The following FNDC3B variants were observed in gnomAD, a reference collection of about 807,000 sequenced individuals.
FNDC3B encodes fibronectin type III domain-containing protein 3B.
FNDC3B carries 12 observed loss-of-function variants against 151.5 expected under a neutral mutation model. That is an observed-to-expected ratio of 0.08 (90% confidence interval 0.05 to 0.13). The LOEUF (loss-of-function observed/expected upper bound fraction) is 0.13. Ranked by LOEUF, FNDC3B falls within the 10% of genes least tolerant of loss-of-function variation. FNDC3B has a pLI of 1.00. For synonymous variants in FNDC3B, 528 were observed against 549.0 expected, an observed-to-expected ratio of 0.96 and a Z score of 0.54; for missense variants, 1,214 against 1,505.3, an observed-to-expected ratio of 0.81 and a Z score of 3.20.
intron 23 of FNDC3B, among the ~76,000 whole-genome samples, chr3:172,371,634 G>C (rs1734888451): frequency 6.6e-6 from 1 of 152,188 alleles, no homozygotes; most frequent in African/African-American, 2.4e-5. Flanking sequence ...TAGTGTAGGA[G>C]AGCATTTCTC....
intron 23 of FNDC3B, among the ~76,000 whole-genome samples, chr3:172,374,424 A>T (rs1735026942): frequency 6.6e-6 from 1 of 152,194 alleles, no homozygotes; most frequent in Admixed American, 6.5e-5. Context: ...TTTGAGACAG[A>T]GTCTCGCTCT....
intron 19 of FNDC3B, among the ~76,000 whole-genome samples, chr3:172,345,048 A>G (rs2108313263): frequency 6.6e-6 from 1 of 152,244 alleles, no homozygotes; most frequent in South Asian, 2.1e-4. Context: ...TTAATTGATG[A>G]TTTTTTAAAA....
chr3:172,173,856 T>C (rs993619055), intron 3 of FNDC3B, among the ~76,000 whole-genome samples: 2 of 151,978 alleles, frequency 1.3e-5, no homozygotes, highest in Admixed American at 6.6e-5. Flanking sequence ...AGCCTCCCGA[T>C]GTCCTAGGAA....
chr3:172,279,832 G>T (rs1012664456), intron 6 of FNDC3B, among the ~76,000 whole-genome samples: 1 of 152,062 alleles, frequency 6.6e-6, no homozygotes, highest in Non-Finnish European at 1.5e-5. Flanking sequence ...CCCAGCATAA[G>T]TAATATTTCA....
chr3:172,106,723 A>C (rs951565014), intron 1 of FNDC3B, among the ~76,000 whole-genome samples: 2 of 152,188 alleles, frequency 1.3e-5, no homozygotes, highest in African/African-American at 4.8e-5. Flanking sequence ...GGCCCTTTGC[A>C]GGTGGGGGCT....
chr3:172,163,507 T>C (rs1440069845), intron 3 of FNDC3B, among the ~76,000 whole-genome samples: 1 of 152,196 alleles, frequency 6.6e-6, no homozygotes, highest in Non-Finnish European at 1.5e-5. Flanking sequence ...CACACACACA[T>C]GCACGCACAC....
intron 6 of FNDC3B, among the ~76,000 whole-genome samples, chr3:172,269,570 T>G (rs572807692): frequency 1.3e-5 from 2 of 152,274 alleles, no homozygotes; most frequent in South Asian, 4.1e-4. Context: ...GCCCCCAGCC[T>G]ATTCTGGATT....
At chr3:172,235,412 T>C (rs1727100560) in intron 4 of FNDC3B, among the ~76,000 whole-genome samples, 2 of 152,178 alleles carry the variant, frequency 1.3e-5, no homozygotes, top group African/African-American at 4.8e-5. Context: ...ATTCTGTTCA[T>C]CTTATTTTGG....
At chr3:172,206,424 C>T (rs1725428287) in intron 3 of FNDC3B, among the ~76,000 whole-genome samples, 1 of 151,984 alleles carries the variant, frequency 6.6e-6, no homozygotes, top group South Asian at 2.1e-4. Flanking sequence ...TTTGGGAGGC[C>T]AAGGCTGGTG....
chr3:172,055,842 G>A (rs1716886033), intron 1 of FNDC3B, among the ~76,000 whole-genome samples: 1 of 151,724 alleles, frequency 6.6e-6, no homozygotes, highest in African/African-American at 2.4e-5. Flanking sequence ...GTGCAGTGGT[G>A]CGATCTCGGC....
intron 7 of FNDC3B, among the ~76,000 whole-genome samples, chr3:172,286,553 T>C (rs958441841): frequency 3.3e-5 from 5 of 152,134 alleles, no homozygotes; most frequent in Non-Finnish European, 7.3e-5. Context: ...TTCTTTGGAG[T>C]ATTTTCTAGC....
chr3:172,349,485 T>G (rs1733757311), intron 21 of FNDC3B, among the ~76,000 whole-genome samples: 1 of 152,200 alleles, frequency 6.6e-6, no homozygotes, highest in African/African-American at 2.4e-5. Context: ...AAATTTCATT[T>G]GAAAACTGTT....
chr3:172,131,409 A>C (rs905505327), intron 2 of FNDC3B, among the ~76,000 whole-genome samples: 10 of 152,256 alleles, frequency 6.6e-5, no homozygotes, highest in East Asian at 1.9e-4. Context: ...AAAAAAAAAA[A>C]AACCAAATAT....
chr3:172,147,299 C>T (rs893662857), intron 3 of FNDC3B, among the ~76,000 whole-genome samples: 2 of 127,630 alleles, frequency 1.6e-5, no homozygotes, highest in Non-Finnish European at 3.3e-5. Flanking sequence ...GAGTGAGACC[C>T]TGTCTCCAAA....
chr3:172,147,020 T>C (rs1721946051), intron 3 of FNDC3B, among the ~76,000 whole-genome samples: 1 of 152,002 alleles, frequency 6.6e-6, no homozygotes, highest in Admixed American at 6.5e-5. Flanking sequence ...AAAAGTGAGA[T>C]GAGAAGGCCA....
chr3:172,095,233 AC>A (rs1455987465), intron 1 of FNDC3B, among the ~76,000 whole-genome samples: 2 of 152,224 alleles, frequency 1.3e-5, no homozygotes, highest in African/African-American at 4.8e-5. Context: ...ATAAAAAAAT[AC>A]CAAGTTTTGA....
intron 3 of FNDC3B, among the ~76,000 whole-genome samples, chr3:172,220,100 G>GT (rs774894801): frequency 4.9e-4 from 75 of 152,198 alleles, no homozygotes; most frequent in African/African-American, 1.7e-3. Flanking sequence ...CACAGTTTCT[G>GT]TTTACTTCCT....
intron 3 of FNDC3B, among the ~76,000 whole-genome samples, chr3:172,150,450 C>T (rs527322514): frequency 2.6e-5 from 4 of 152,066 alleles, no homozygotes; most frequent in Middle Eastern, 3.4e-3. Flanking sequence ...ATCCCCCATG[C>T]GTACACCTCT....
chr3:172,266,508 A>G (rs1728931112), intron 6 of FNDC3B, among the ~76,000 whole-genome samples: 1 of 152,224 alleles, frequency 6.6e-6, no homozygotes, highest in African/African-American at 2.4e-5. Flanking sequence ...AATTTATTCT[A>G]TCACAGTTCT....
Sources: gnomAD v4.1 joint callset for allele counts (sites outside exome capture counted in the v4.1 genomes callset) on GRCh38, gnomAD v4.1.1 for gene constraint, MANE v1.5 for transcripts, NCBI Gene and HGNC (gene_info 2026-07-23, HGNC 2026-07-21) for gene names.